The following TMEM91 variants were observed in gnomAD, a reference collection of about 807,000 sequenced individuals.
TMEM91 encodes the protein dispanin subfamily C member 3.
Under a neutral mutation model 13.3 loss-of-function variants are expected in TMEM91, and 6 were observed. The ratio of observed to expected loss-of-function variants is 0.45; its 90% CI spans 0.25 to 0.89. TMEM91 has a LOEUF of 0.89. Among genes scored for constraint, TMEM91 ranks in the 40% least tolerant of loss-of-function variants. The probability of loss-of-function intolerance (pLI) is 0.19; values close to 1 mark genes in which losing one functional copy is unlikely to be tolerated. For synonymous variants in TMEM91, 87 were observed against 101.7 expected (o/e 0.86, Z 0.87); for missense variants, 193 against 228.7 (o/e 0.84, Z 1.01).
intron 3 of TMEM91, 67 bp from the exon 4 acceptor site, chr19:41,383,648 G>C: frequency 6.2e-7 from 1 of 1,614,104 alleles, no homozygotes; most frequent in Non-Finnish European, 8.5e-7. Context: ...TTGGGTGGGG[G>C]AGGGACCAGG....
chr19:41,378,455 TC>T lies in TMEM91; in HGVS notation c.148del (p.Leu50CysfsTer8). ...GCCGAGTCCCTGAGGGGTTTGCAGT[TC>T]CTGTCACCGCCTCTTCCCTCCGTGA... is the stretch of plus-strand genomic sequence containing the variant. ...AFAESLRGLQ[F>X]LSPPLPSVSA... On this transcript the variant is annotated frameshift_variant, in exon 2 of 4. Transcript: ENST00000392002. LOFTEE classifies it high-confidence loss of function. 1 of 1,614,128 alleles carries T rather than the reference TC, an allele frequency of 6.2e-7. No individual in the cohort carries two copies.
At chr19:41,373,234 C>T (rs1204125965), upstream of TMEM91, among the ~76,000 whole-genome samples, 2 of 152,124 alleles carry the variant, frequency 1.3e-5, no homozygotes, top group African/African-American at 4.8e-5. Context: ...GCCACCGTAC[C>T]CAGCTGGAAT....
intron 1 of TMEM91, among the ~76,000 whole-genome samples, chr19:41,364,996 C>T (rs28393950): frequency 6.6e-6 from 1 of 151,974 alleles, no homozygotes; most frequent in Non-Finnish European, 1.5e-5. Flanking sequence ...CTACCTCAGC[C>T]TCCCATGTAG....
At chr19:41,374,360 T>G (rs1320617576), upstream of TMEM91, 1 of 152,146 alleles carries the variant, frequency 6.6e-6, no homozygotes, top group Non-Finnish European at 1.5e-5. Flanking sequence ...ATGATAGTCT[T>G]GTAATCAGTC....
intron 1 of TMEM91, among the ~76,000 whole-genome samples, chr19:41,366,648 G>A (rs1352040866): frequency 2.0e-5 from 3 of 151,904 alleles, no homozygotes; most frequent in Admixed American, 6.6e-5. Flanking sequence ...TAGTAGAGAC[G>A]GGGTTTCGCC....
chr19:41,372,184 T>G (rs2038635260), upstream of TMEM91, among the ~76,000 whole-genome samples: 1 of 151,982 alleles, frequency 6.6e-6, no homozygotes, highest in African/African-American at 2.4e-5. Flanking sequence ...CTGTGTCTAC[T>G]AAAAATATAA....
At chr19:41,381,249 CAT>C (rs1174631939) in intron 2 of TMEM91, among the ~76,000 whole-genome samples, 2 of 151,716 alleles carry the variant, frequency 1.3e-5, no homozygotes, top group Non-Finnish European at 2.9e-5. Flanking sequence ...GGGGGGCAGA[CAT>C]GTGATCATAG....
chr19:41,367,417 G>A (rs2038545629), intron 1 of TMEM91, among the ~76,000 whole-genome samples: 2 of 152,114 alleles, frequency 1.3e-5, no homozygotes, highest in South Asian at 4.1e-4. Flanking sequence ...CAAATCACGA[G>A]GTCAGGGGTT....
chr19:41,365,278 C>T (rs2038498596), intron 1 of TMEM91, among the ~76,000 whole-genome samples: 1 of 152,126 alleles, frequency 6.6e-6, no homozygotes, highest in Non-Finnish European at 1.5e-5. Context: ...GCGGGAAGAG[C>T]TCTTGAGGCC....
At chr19:41,383,014 G>A (rs1599934244) in intron 3 of TMEM91, 93 bp downstream of exon 3, 1 of 1,520,910 alleles carries the variant, frequency 6.6e-7, no homozygotes, top group Non-Finnish European at 8.9e-7. Context: ...GCGGGAAGGT[G>A]GAAGGTAGCC....
rs112262801 is a variant in TMEM91, at chr19:41,369,650, C to T, written c.-30+5555C>T. Among the ~76,000 whole-genome samples, 55 of 151,534 alleles carry T rather than the reference C, an allele frequency of 3.6e-4. 1 individual carries two copies. Among genetic ancestry groups the T allele is most frequent in the African/African-American group, 1.3e-3 (53 of 41,304 alleles). Reference sequence around the variant, plus strand: ...TGAAACCCCATCCCTCCTAAAACTACAAAAAAAATCAGCTGAACGTGGTGG... The same window carrying T: ...TGAAACCCCATCCCTCCTAAAACTATAAAAAAAATCAGCTGAACGTGGTGG... On this transcript the variant is annotated intron_variant, in intron 1 of 3. Transcript: ENST00000413014.
chr19:41,364,376 C>T (rs1216459547), intron 1 of TMEM91, among the ~76,000 whole-genome samples: 2 of 152,104 alleles, frequency 1.3e-5, no homozygotes, highest in Admixed American at 6.6e-5. Context: ...TGCAGTTTCT[C>T]CCAGATACCT....
chr19:41,379,884 CTTCCT>C (rs2038835743), intron 2 of TMEM91, among the ~76,000 whole-genome samples: 3 of 132,214 alleles, frequency 2.3e-5, no homozygotes, highest in African/African-American at 8.7e-5. Flanking sequence ...TGTCTTAGGG[CTTCCT>C]TTTTTTTTTT....
At position 41,382,767 on chromosome 19, in the gene TMEM91, C is replaced by T. The variant is rs369987172; in HGVS notation, c.211-5C>T. 17 of 1,612,714 alleles carry T rather than the reference C, an allele frequency of 1.1e-5. No individual in the cohort carries two copies. The highest frequency in any genetic ancestry group is 3.3e-5 in the Admixed American group (2 of 59,932). On this transcript the variant is annotated splice_region_variant and splice_polypyrimidine_tract_variant and intron_variant, in intron 2 of 3. Coordinates refer to ENST00000392002, the MANE Select transcript of TMEM91 (RefSeq NM_001098821.2). Reference sequence around the variant, plus strand: ...ATGCCCACCTGGGCACTTTCCTGTCCGTAGGACATGTCATCCAGTGACAGT... The same window carrying T: ...ATGCCCACCTGGGCACTTTCCTGTCTGTAGGACATGTCATCCAGTGACAGT...
intron 1 of TMEM91, among the ~76,000 whole-genome samples, chr19:41,364,362 T>A (rs1266077256): frequency 6.6e-6 from 1 of 152,156 alleles, no homozygotes; most frequent in African/African-American, 2.4e-5. Flanking sequence ...TGAGGAAGTT[T>A]GAGTGCAGTT....
Position 41,378,356 on chromosome 19 carries a change from G to GCACAGAATGTGAGACCC in TMEM91, c.49_65dup (p.Ala23GlnfsTer19). 6.2e-7 allele frequency: 1 copy of GCACAGAATGTGAGACCC among 1,614,216 alleles called. No homozygotes were observed. The highest frequency in any genetic ancestry group is 2.2e-5 in the East Asian group (1 of 44,880). On this transcript the variant is annotated frameshift_variant, in exon 2 of 4. Transcript: ENST00000392002. LOFTEE classifies it high-confidence loss of function. Reference sequence around the variant, plus strand: ...GAGCTTCAACAGCCTCTGCTGGAGGGCACAGAATGTGAGACCCCTGCCCAG... The same window carrying GCACAGAATGTGAGACCC: ...GAGCTTCAACAGCCTCTGCTGGAGGGCACAGAATGTGAGACCCCACAGAATGTGAGACCCCTGCCCAG...
At chr19:41,380,240 A>T (rs886422878) in intron 2 of TMEM91, among the ~76,000 whole-genome samples, 5 of 151,938 alleles carry the variant, frequency 3.3e-5, no homozygotes, top group African/African-American at 1.2e-4. Flanking sequence ...CTGCCTTGGG[A>T]TTCCTTACAG....
intron 1 of TMEM91, among the ~76,000 whole-genome samples, chr19:41,365,542 C>T (rs894441943): frequency 2.0e-5 from 3 of 148,642 alleles, no homozygotes; most frequent in African/African-American, 7.5e-5. Flanking sequence ...GTAGCTGGGA[C>T]TACAGGCGTG....
intron 1 of TMEM91, among the ~76,000 whole-genome samples, chr19:41,367,287 G>C (rs2038542738): frequency 6.6e-6 from 1 of 152,296 alleles, no homozygotes; most frequent in African/African-American, 2.4e-5. Flanking sequence ...TCTGATAGGA[G>C]GAGGAGTACT....
Sources: gnomAD v4.1 joint callset for allele counts (sites outside exome capture counted in the v4.1 genomes callset) on GRCh38, gnomAD v4.1.1 for gene constraint, MANE v1.5 for transcripts, NCBI Gene and HGNC (gene_info 2026-07-23, HGNC 2026-07-21) for gene names.